FCGRT: variants seen among roughly 807,000 people sequenced by gnomAD.
The protein encoded by FCGRT is Fc gamma receptor and transporter, also known as IgG receptor FcRn large subunit p51.
A neutral mutation model predicts 35.7 loss-of-function variants in FCGRT; 13 were observed. The observed-to-expected ratio is 0.36, with a 90% confidence interval of 0.24 to 0.58. The LOEUF is 0.58. Among genes scored for constraint, FCGRT ranks in the 20% least tolerant of loss-of-function variants. FCGRT has a pLI of 0.77. For missense variants in FCGRT, 455 were observed against 474.9 expected, an observed-to-expected ratio of 0.96 and a Z score of 0.39; for synonymous variants, 233 against 216.5, an observed-to-expected ratio of 1.08 and a Z score of -0.67.
Position 49,526,018 on chromosome 19 carries a change from A to T in FCGRT, c.997A>T (p.Ile333Phe), listed in dbSNP as rs2080074836. The T allele has an allele frequency of 1.9e-6, 3 of 1,607,484 alleles. No homozygotes were observed. The highest frequency in any genetic ancestry group is 2.6e-6 in the Non-Finnish European group (3 of 1,174,318). Residue 333 changes from isoleucine to phenylalanine, a missense_variant, in exon 7 of 7, where the codon ATC becomes TTC. Physicochemically the swap from Ile to Phe is conservative, Grantham distance 21. Coordinates refer to ENST00000221466, the MANE Select transcript of FCGRT (RefSeq NM_001136019.3). ...TCTCTCTCTCTCCTCAGCCCCTTGGATCTCCCTTCGTGGAGACGACACCGG... is the reference window on the plus strand; with the variant it reads ...TCTCTCTCTCTCCTCAGCCCCTTGGTTCTCCCTTCGTGGAGACGACACCGG... ...RMRSGLPAPWISLRGDDTGVL... is the reference protein window; with the variant it reads ...RMRSGLPAPWFSLRGDDTGVL...
At chr19:49,524,803 C>T (rs370192478) in intron 5 of FCGRT, 27 bp downstream of exon 5, 28 of 1,591,768 alleles carry the variant, frequency 1.8e-5, no homozygotes, top group Non-Finnish European at 2.4e-5. Context: ...TGGTGATGCT[C>T]CTGGTTTCCC....
chr19:49,518,112 C>A (rs1304823158), intron 4 of FCGRT, among the ~76,000 whole-genome samples: 1 of 152,104 alleles, frequency 6.6e-6, no homozygotes, highest in Non-Finnish European at 1.5e-5. Context: ...CGTGCCCAGC[C>A]AGACTGTTTT....
intron 4 of FCGRT, among the ~76,000 whole-genome samples, chr19:49,522,599 T>A (rs2080047849): frequency 6.7e-6 from 1 of 149,188 alleles, no homozygotes; most frequent in South Asian, 2.1e-4. Flanking sequence ...GCCTGGCTAA[T>A]TTTTTTGTAT....
intron 1 of FCGRT, 33 bp from the exon 2 acceptor site, chr19:49,513,354 T>TGG: frequency 5.3e-6 from 2 of 380,720 alleles, no homozygotes; most frequent in Non-Finnish European, 7.6e-6. Context: ...GGGCCGGGGG[T>TGG]CGGGAGGAGT....
chr19:49,520,613 TG>T (rs1264592928), intron 4 of FCGRT: 1 of 152,220 alleles, frequency 6.6e-6, no homozygotes, highest in Admixed American at 6.6e-5. Flanking sequence ...CCCAAAGTGC[TG>T]GGGTTACAGA....
In FCGRT at chr19:49,526,017, G is replaced by C; in HGVS notation, c.996G>C (p.Trp332Cys). Reference sequence around the variant, plus strand: ...CTCTCTCTCTCTCCTCAGCCCCTTGGATCTCCCTTCGTGGAGACGACACCG... The same window carrying C: ...CTCTCTCTCTCTCCTCAGCCCCTTGCATCTCCCTTCGTGGAGACGACACCG... ...RRMRSGLPAP[W>C]ISLRGDDTGV... The change falls in exon 7 of 7, where the codon TGG becomes TGC. Residue 332 changes from tryptophan to cysteine, a missense_variant. Around this residue, in one of 3 missense-constraint regions of FCGRT, gnomAD observed 312 missense variants for 296.1 expected, o/e 1.05. Coordinates refer to ENST00000221466, the MANE Select transcript of FCGRT (RefSeq NM_001136019.3). 1 of 1,607,192 alleles carries C rather than the reference G, an allele frequency of 6.2e-7. No homozygotes were observed. Among genetic ancestry groups the C allele is most frequent in the Non-Finnish European group, 8.5e-7 (1 of 1,174,074 alleles).
intron 4 of FCGRT, among the ~76,000 whole-genome samples, chr19:49,519,487 T>TC (rs1491033503): frequency 6.6e-6 from 1 of 152,174 alleles, no homozygotes; most frequent in Admixed American, 6.6e-5. Context: ...TTGTTTTTTT[T>TC]CCCCCTGTAA....
At chr19:49,516,157 A>G (rs2122670107) in intron 4 of FCGRT, 1 of 454,798 alleles carries the variant, frequency 2.2e-6, no homozygotes, top group Non-Finnish European at 4.4e-6. Flanking sequence ...GTGCACAGAT[A>G]TTCATTCCAA....
At chr19:49,525,956 G>A (rs2080074105) in intron 6 of FCGRT, 54 bp from the exon 7 acceptor site, 1 of 1,099,626 alleles carries the variant, frequency 9.1e-7, no homozygotes, top group Non-Finnish European at 1.4e-6. Context: ...ACGCCAGTCA[G>A]ACCCAGAGCG....
rs988079826 is a variant in FCGRT, at chr19:49,526,292, C to A, written c.*173C>A. The A allele has an allele frequency of 1.3e-5, 8 of 593,236 alleles. No individual in the cohort carries two copies. Among genetic ancestry groups the A allele is most frequent in the Admixed American group, 6.0e-5 (2 of 33,210 alleles). The allele number at this position is 593,236 out of a possible 1,614,324, so 36.7% of individuals were successfully genotyped here. On this transcript the variant is annotated 3_prime_UTR_variant, in exon 7 of 7. Transcript: ENST00000221466. ...CAGTTTCCCCTCCTAATACATATGG[C>A]TGTTTTCCACCTCGATAATATAACA...
In FCGRT at chr19:49,513,833, G is replaced by A. The variant is rs762539438; in HGVS notation, c.74-49G>A. ...CTCCCTGGGTATCTGTCCCACTGCA[G>A]TCTAGTTCCCCGCCCGTGTGCTCCC... On this transcript the variant is annotated intron_variant, in intron 2 of 6. Coordinates refer to ENST00000221466, the MANE Select transcript of FCGRT (RefSeq NM_001136019.3). 5 of 1,441,690 alleles carry A rather than the reference G, an allele frequency of 3.5e-6. No individual in the cohort carries two copies. In the African/African-American group the frequency reaches 4.5e-5, roughly 13 times the overall value. 89.3% of individuals were successfully genotyped at this position (1,441,690 alleles called of 1,614,324 possible).
chr19:49,516,502 C>T (rs1264077664), intron 4 of FCGRT, among the ~76,000 whole-genome samples: 18 of 150,784 alleles, frequency 1.2e-4, no homozygotes, highest in African/African-American at 3.4e-4. Flanking sequence ...CTGCCTGCCT[C>T]GGCCTCCCAA....
chr19:49,523,199 C>T (rs565490046), intron 4 of FCGRT, among the ~76,000 whole-genome samples: 9 of 152,216 alleles, frequency 5.9e-5, no homozygotes, highest in African/African-American at 2.2e-4. Context: ...ATCATTTCTA[C>T]ATTGGAAGAA....
intron 4 of FCGRT, 100 bp from the exon 5 acceptor site, chr19:49,524,407 A>C: frequency 1.6e-6 from 2 of 1,274,438 alleles, no homozygotes; most frequent in Non-Finnish European, 2.2e-6. Flanking sequence ...ATCTGCGGTT[A>C]GCACAGTGCA....
At chr19:49,514,764 G>A (rs900945726) in intron 4 of FCGRT, among the ~76,000 whole-genome samples, 1 of 150,818 alleles carries the variant, frequency 6.6e-6, no homozygotes, top group African/African-American at 2.4e-5. Context: ...CGCGATCTCG[G>A]CTCACCACAA....
At chr19:49,516,351 T>C (rs571170499) in intron 4 of FCGRT, among the ~76,000 whole-genome samples, 1 of 151,430 alleles carries the variant, frequency 6.6e-6, no homozygotes, top group South Asian at 2.1e-4. Flanking sequence ...CAAGTGATTC[T>C]CCTGCCTCAG....
intron 4 of FCGRT, among the ~76,000 whole-genome samples, chr19:49,521,442 C>T (rs1433274984): frequency 2.0e-5 from 3 of 151,732 alleles, no homozygotes; most frequent in South Asian, 2.1e-4. Context: ...TGGTGGTGTG[C>T]GCCTGTAATC....
At position 49,514,433 on chromosome 19, in the gene FCGRT, C is replaced by T. The variant is rs554770888; in HGVS notation, c.548C>T (p.Pro183Leu). 6.9e-6 allele frequency: 11 copies of T among 1,585,838 alleles called. No homozygotes were observed. The highest frequency in any genetic ancestry group is 6.9e-5 in the Admixed American group (4 of 57,958). The change falls in exon 4 of 7, where the codon CCG (proline) becomes CTG (leucine). Residue 183 changes from proline (P) to leucine (L), a missense_variant. Physicochemically the swap from Pro to Leu is moderately conservative, Grantham distance 98 (BLOSUM62 -3). This residue lies in a region of FCGRT where 312 missense variants were observed against 296.1 expected (regional missense o/e 1.05). Transcript: ENST00000221466. ...KELTFLLFSC[P>L]HRLREHLERG... ...CTCACCTTCCTGCTATTCTCCTGCCCGCACCGCCTGCGGGAGCACCTGGAG... is the reference window on the plus strand; with the variant it reads ...CTCACCTTCCTGCTATTCTCCTGCCTGCACCGCCTGCGGGAGCACCTGGAG...
In FCGRT at chr19:49,523,062, C is replaced by T. The variant is rs141873339; in HGVS notation, c.602-1445C>T. On this transcript the variant is annotated intron_variant, in intron 4 of 6. Transcript: ENST00000221466. ...AAAGTGCTGGGATTACAGGCGTGAG[C>T]CACCGCGCCTGGCCAAGTTCTCTTT... Among the ~76,000 whole-genome samples the T allele has an allele frequency of 1.2e-3, 187 of 151,988 alleles. 5 individuals carry two copies. The East Asian group carries it at 0.03, about 24-fold the overall frequency.
Sources: gnomAD v4.1 joint callset for allele counts (sites outside exome capture counted in the v4.1 genomes callset) on GRCh38, gnomAD v4.1.1 for gene constraint, gnomAD v4.1.1 regional missense constraint, MANE v1.5 for transcripts, NCBI Gene and HGNC (gene_info 2026-07-23, HGNC 2026-07-21) for gene names.